The following EPCIP variants were observed in gnomAD, a reference collection of about 807,000 sequenced individuals.
The protein encoded by EPCIP is exosomal polycystin 1 interacting protein.
chr21:32,807,284 A>G, the EPCIP span, among the ~76,000 whole-genome samples: 2 of 149,322 alleles, frequency 1.3e-5, no homozygotes, highest in Non-Finnish European at 3.0e-5. Flanking sequence ...GAGTCCCTAC[A>G]TTTGCTAAGC....
the EPCIP span, among the ~76,000 whole-genome samples, chr21:32,802,092 T>C: frequency 1.3e-5 from 2 of 152,286 alleles, no homozygotes; most frequent in Non-Finnish European, 2.9e-5. Context: ...AGACAGGACC[T>C]TGCTGGTCAA....
chr21:32,799,235 C>T, the EPCIP span, among the ~76,000 whole-genome samples: 1 of 152,300 alleles, frequency 6.6e-6, no homozygotes, highest in South Asian at 2.1e-4. Flanking sequence ...AGCATTGCAA[C>T]TCTACTCCTC....
the EPCIP span, among the ~76,000 whole-genome samples, chr21:32,809,182 C>CGTGCGTGTGTGTGT: frequency 1.7e-5 from 2 of 121,096 alleles, no homozygotes; most frequent in Non-Finnish European, 1.7e-5. Flanking sequence ...TCGAGGGGTG[C>CGTGCGTGTGTGTGT]GTGTGTGTGT....
the EPCIP span, among the ~76,000 whole-genome samples, chr21:32,807,279 C>G: frequency 6.6e-6 from 1 of 151,686 alleles, no homozygotes; most frequent in South Asian, 2.1e-4. Flanking sequence ...CAAATGAGTC[C>G]CTACATTTGC....
the EPCIP span, among the ~76,000 whole-genome samples, chr21:32,796,266 G>T: frequency 6.6e-6 from 1 of 152,204 alleles, no homozygotes; most frequent in Non-Finnish European, 1.5e-5. Flanking sequence ...TAGCAGTGGG[G>T]AGGAGGCGAG....
chr21:32,803,897 C>A, the EPCIP span, among the ~76,000 whole-genome samples: 1 of 152,168 alleles, frequency 6.6e-6, no homozygotes, highest in Non-Finnish European at 1.5e-5. Flanking sequence ...GATCACTTCC[C>A]TTTCATTGTG....
chr21:32,809,182 C>CGTGCGT, the EPCIP span, among the ~76,000 whole-genome samples: 5 of 121,092 alleles, frequency 4.1e-5, no homozygotes, highest in East Asian at 2.8e-4. Flanking sequence ...TCGAGGGGTG[C>CGTGCGT]GTGTGTGTGT....
chr21:32,809,471 C>T, the EPCIP span, among the ~76,000 whole-genome samples: 1 of 151,572 alleles, frequency 6.6e-6, no homozygotes, highest in Non-Finnish European at 1.5e-5. Context: ...CTTCTGGGCT[C>T]AGGCAAGCCT....
the EPCIP span, among the ~76,000 whole-genome samples, chr21:32,799,535 A>G: frequency 6.6e-6 from 1 of 152,210 alleles, no homozygotes; most frequent in Non-Finnish European, 1.5e-5. Flanking sequence ...GCCATAACTC[A>G]GATCTATACT....
the EPCIP span, among the ~76,000 whole-genome samples, chr21:32,805,904 C>G: frequency 6.6e-6 from 1 of 152,148 alleles, no homozygotes; most frequent in Non-Finnish European, 1.5e-5. Context: ...TGGACCCAGC[C>G]AAGCCCAAAT....
chr21:32,811,328 C>T, the EPCIP span, among the ~76,000 whole-genome samples: 22 of 152,248 alleles, frequency 1.4e-4, no homozygotes, highest in East Asian at 1.7e-3. Context: ...GACTGGGTTT[C>T]GCCATTTTGG....
At chr21:32,807,042 G>GAACGTTATT in the EPCIP span, among the ~76,000 whole-genome samples, 1 of 152,118 alleles carries the variant, frequency 6.6e-6, no homozygotes, top group African/African-American at 2.4e-5. Context: ...ACTACCACAA[G>GAACGTTATT]AACGTTATTG....
At chr21:32,801,590 C>G in the EPCIP span, among the ~76,000 whole-genome samples, 1 of 152,042 alleles carries the variant, frequency 6.6e-6, no homozygotes, top group Non-Finnish European at 1.5e-5. Context: ...CCTGTAATTC[C>G]AGCACTTTGG....
the EPCIP span, among the ~76,000 whole-genome samples, chr21:32,808,972 A>T: frequency 6.6e-6 from 1 of 152,176 alleles, no homozygotes; most frequent in Admixed American, 6.5e-5. Flanking sequence ...GGCTAAACCG[A>T]GTGCCCATGA....
At chr21:32,793,631 T>A in the EPCIP span, 35 of 806,478 alleles carry the variant, frequency 4.3e-5, no homozygotes, top group East Asian at 8.5e-4. Flanking sequence ...GTGGCTGTGT[T>A]GCAAATGGAG....
At chr21:32,796,003 T>C in the EPCIP span, among the ~76,000 whole-genome samples, 49 of 24,118 alleles carry the variant, frequency 2.0e-3, 1 homozygote, top group South Asian at 0.026. Context: ...CCTCCTTCCC[T>C]CTTTCCTTCC....
chr21:32,805,603 C>A, the EPCIP span, among the ~76,000 whole-genome samples: 1 of 152,254 alleles, frequency 6.6e-6, no homozygotes, highest in East Asian at 1.9e-4. Flanking sequence ...CTCAAGTGAT[C>A]TGCCTGCCTC....
chr21:32,797,647 T>C, the EPCIP span: 1 of 152,248 alleles, frequency 6.6e-6, no homozygotes, highest in Non-Finnish European at 1.5e-5. Context: ...GCACAGTGCC[T>C]AGCACATAGC....
chr21:32,804,275 T>TTATATA, the EPCIP span, among the ~76,000 whole-genome samples: 406 of 140,944 alleles, frequency 2.9e-3, 2 homozygotes, highest in South Asian at 0.013. Flanking sequence ...ATGCATGTGA[T>TTATATA]TATATATATA....
Sources: gnomAD v4.1 joint callset for allele counts (sites outside exome capture counted in the v4.1 genomes callset) on GRCh38, gnomAD v4.1.1 for gene constraint, MANE v1.5 for transcripts, NCBI Gene and HGNC (gene_info 2026-07-23, HGNC 2026-07-21) for gene names.